SLC41A3: variants seen among roughly 807,000 people sequenced by gnomAD.
SLC41A3 encodes the protein solute carrier family 41 member 3, also known as SLC41A1-like 2.
In SLC41A3, 44 loss-of-function variants were observed where a neutral mutation model predicts 45.4. The observed-to-expected ratio is 0.97, with a 90% CI of 0.76 to 1.25. The LOEUF (loss-of-function observed/expected upper bound fraction) is 1.25. SLC41A3 is among the 50% of genes most tolerant of loss of function. SLC41A3 has a pLI of 0.00. For missense variants in SLC41A3, 550 were observed against 600.6 expected (o/e 0.92, Z 0.88); for synonymous variants, 256 against 252.4 (o/e 1.01, Z -0.13).
intron 8 of SLC41A3, among the ~76,000 whole-genome samples, chr3:126,013,052 G>A (rs529706544): frequency 6.0e-4 from 92 of 152,240 alleles, no homozygotes; most frequent in Non-Finnish European, 1.1e-3. Context: ...GCGAGGATGG[G>A]AGGGAGGGGA....
At chr3:126,010,408 G>T (rs1483716701) in intron 9 of SLC41A3, among the ~76,000 whole-genome samples, 2 of 152,140 alleles carry the variant, frequency 1.3e-5, no homozygotes, top group Non-Finnish European at 2.9e-5. Context: ...GGAGGTGGAG[G>T]TTGCAGTGAG....
chr3:126,086,498 C>CTGTGTGTGTGTG (rs57609698), upstream of SLC41A3, among the ~76,000 whole-genome samples: 40 of 133,194 alleles, frequency 3.0e-4, no homozygotes, highest in African/African-American at 1.1e-3. Context: ...GCTATAGGAT[C>CTGTGTGTGTGTG]TGTGTGTGTG....
chr3:126,074,920 C>T (rs1258390032), intron 1 of SLC41A3, among the ~76,000 whole-genome samples: 1 of 152,116 alleles, frequency 6.6e-6, no homozygotes, highest in Non-Finnish European at 1.5e-5. Flanking sequence ...TCAGGTGATC[C>T]TCCCACCTCA....
At chr3:126,019,160 A>C (rs1242375112) in intron 6 of SLC41A3, among the ~76,000 whole-genome samples, 1 of 152,204 alleles carries the variant, frequency 6.6e-6, no homozygotes, top group Non-Finnish European at 1.5e-5. Flanking sequence ...AGGTGGCGCA[A>C]GGCACCACAT....
At chr3:126,068,393 CCTG>C in intron 1 of SLC41A3, 147 bp from the exon 2 acceptor site, 1 of 571,226 alleles carries the variant, frequency 1.8e-6, no homozygotes, top group Non-Finnish European at 2.8e-6. Flanking sequence ...CCACCAGCCT[CCTG>C]CACCCCAATT....
Position 126,008,924 on chromosome 3 carries a change from G to A in SLC41A3, c.1106-44C>T, listed in dbSNP as rs1425844550. The A allele has an allele frequency of 3.1e-6, 5 of 1,605,506 alleles. No homozygotes were observed. The South Asian group carries it at 5.5e-5, about 18-fold the overall frequency. On this transcript the variant is annotated intron_variant, in intron 9 of 10. Coordinates refer to ENST00000360370, the MANE Select transcript of SLC41A3 (RefSeq NM_017836.4). Reference sequence around the variant, plus strand: ...AGAAGGTCATGTGACCTGAAGCGAGGCCACTTTGGCATGTGACAGTCCTCA... The same window carrying A: ...AGAAGGTCATGTGACCTGAAGCGAGACCACTTTGGCATGTGACAGTCCTCA...
At chr3:126,074,575 A>G (rs1178869156) in intron 1 of SLC41A3, among the ~76,000 whole-genome samples, 1 of 152,188 alleles carries the variant, frequency 6.6e-6, no homozygotes, top group Non-Finnish European at 1.5e-5. Context: ...TATTACAGCC[A>G]GTAAACAAGT....
intron 2 of SLC41A3, among the ~76,000 whole-genome samples, chr3:126,064,362 G>A (rs1021873258): frequency 1.1e-4 from 16 of 152,204 alleles, no homozygotes; most frequent in African/African-American, 3.9e-4. Flanking sequence ...CAGGAATGGA[G>A]GGCAGGTTTC....
At chr3:126,044,048 A>G (rs372755556) in intron 3 of SLC41A3, among the ~76,000 whole-genome samples, 2 of 152,232 alleles carry the variant, frequency 1.3e-5, no homozygotes, top group Admixed American at 6.5e-5. Context: ...TATGTTGTCT[A>G]TAAGAAATTC....
chr3:126,026,508 G>C lies in SLC41A3; in HGVS notation c.454-29C>G, dbSNP rs758862854. 3.8e-5 allele frequency: 61 copies of C among 1,591,236 alleles called. No homozygotes were observed. The highest frequency in any genetic ancestry group is 5.2e-5 in the Non-Finnish European group (61 of 1,168,142). ...TTGGACAGAAATCAGAAGCATGAAG[G>C]GGGGCCCCGGGGCCACAGCCACACT... On this transcript the variant is annotated intron_variant, in intron 4 of 10. Transcript: ENST00000360370. This position sits in a 1 kb window ranked among gnomAD's most constrained non-coding sequence, Gnocchi z 4.2.
At chr3:126,016,666 C>G in intron 7 of SLC41A3, 65 bp downstream of exon 7, 3 of 1,544,598 alleles carry the variant, frequency 1.9e-6, no homozygotes, top group Non-Finnish European at 2.6e-6. Flanking sequence ...TGAGTGTCAC[C>G]CTGGTTCTAG....
At chr3:126,009,637 A>G (rs1445462279) in intron 9 of SLC41A3, among the ~76,000 whole-genome samples, 1 of 152,260 alleles carries the variant, frequency 6.6e-6, no homozygotes, top group African/African-American at 2.4e-5. Context: ...CACCAAAATA[A>G]TAAAAGGAGA....
At chr3:126,035,003 C>T (rs564023477) in intron 3 of SLC41A3, among the ~76,000 whole-genome samples, 86 of 152,224 alleles carry the variant, frequency 5.6e-4, no homozygotes, top group African/African-American at 1.9e-3. Context: ...CATCACTGAG[C>T]GAAGGCTGCA....
At chr3:126,015,879 C>A (rs1032787328) in intron 7 of SLC41A3, among the ~76,000 whole-genome samples, 1 of 152,180 alleles carries the variant, frequency 6.6e-6, no homozygotes, top group African/African-American at 2.4e-5. Flanking sequence ...CCCAAGACTC[C>A]GGCACCACGA....
intron 2 of SLC41A3, among the ~76,000 whole-genome samples, chr3:126,059,307 A>AGAGAAAGAAAGAAAGG (rs1943919942): frequency 1.7e-5 from 1 of 59,348 alleles, no homozygotes; most frequent in Non-Finnish European, 3.3e-5. Flanking sequence ...AGAAAGAAAG[A>AGAGAAAGAAAGAAAGG]AAGGAAGGAT....
chr3:126,038,917 G>A (rs1942393036), intron 3 of SLC41A3, among the ~76,000 whole-genome samples: 1 of 152,108 alleles, frequency 6.6e-6, no homozygotes, highest in Admixed American at 6.5e-5. Context: ...CTTCATGATT[G>A]GCTGGGTGCC....
intron 1 of SLC41A3, chr3:126,070,321 G>A (rs953794857): frequency 9.9e-5 from 15 of 152,196 alleles, no homozygotes; most frequent in African/African-American, 1.9e-4. Flanking sequence ...TCAGATCACC[G>A]GCAGCATCAG....
At chr3:126,016,560 AGAG>A (rs1163846857) in intron 7 of SLC41A3, among the ~76,000 whole-genome samples, 168 bp downstream of exon 7, 1 of 152,206 alleles carries the variant, frequency 6.6e-6, no homozygotes, top group Non-Finnish European at 1.5e-5. Flanking sequence ...AGTGAAAGGG[AGAG>A]AAGAAAGGAA....
At chr3:126,100,786 G>A (rs968095386) in intron 1 of SLC41A3, among the ~76,000 whole-genome samples, 7 of 152,122 alleles carry the variant, frequency 4.6e-5, no homozygotes, top group African/African-American at 1.7e-4. Context: ...GAGCTGAATT[G>A]TGGCCCAGCT....
Sources: gnomAD v4.1 joint callset for allele counts (sites outside exome capture counted in the v4.1 genomes callset) on GRCh38, gnomAD v4.1.1 for gene constraint, Gnocchi (gnomAD v3.1) non-coding constraint, MANE v1.5 for transcripts, NCBI Gene and HGNC (gene_info 2026-07-23, HGNC 2026-07-21) for gene names.